The following SH3RF2 variants were observed in gnomAD, a reference collection of about 807,000 sequenced individuals.
SH3RF2 encodes SH3 domain containing ring finger 2.
SH3RF2 carries 43 observed loss-of-function variants against 59.0 expected under a neutral mutation model. The observed-to-expected ratio is 0.73, with a 90% CI of 0.57 to 0.94. The LOEUF (loss-of-function observed/expected upper bound fraction) is 0.94. SH3RF2 is among the 40% of genes least tolerant of loss of function. The pLI, the probability that SH3RF2 is intolerant of heterozygous loss-of-function variation, is 0.00. For synonymous variants in SH3RF2, 391 were observed against 391.5 expected (o/e 1.00, Z 0.01); for missense variants, 930 against 940.1 (o/e 0.99, Z 0.14).
chr5:146,040,586 G>A (rs1479716987), intron 5 of SH3RF2, among the ~76,000 whole-genome samples: 2 of 152,180 alleles, frequency 1.3e-5, no homozygotes, highest in African/African-American at 2.4e-5. Flanking sequence ...TGTAAATTCA[G>A]TAGTCTTCAC....
chr5:146,005,871 A>AT (rs34750869), intron 4 of SH3RF2, among the ~76,000 whole-genome samples: 1 of 151,068 alleles, frequency 6.6e-6, no homozygotes, highest in East Asian at 1.9e-4. Flanking sequence ...AAAAAAAAAA[A>AT]GCTTAGCAAG....
rs187268321 is a variant in SH3RF2, at chr5:146,070,917, G to A, written c.*34-7543G>A. ...AAGGCAAAAGACATCTGCAGAGGCT[G>A]TTTTGTGCACTATGTGCATTTTGTG... On this transcript the variant is annotated intron_variant, in intron 9 of 9. Coordinates refer to the SH3RF2 transcript ENST00000511217. Among the ~76,000 whole-genome samples, 122 of 152,312 alleles carry A rather than the reference G, an allele frequency of 8.0e-4. 1 individual carries two copies. The highest frequency in any genetic ancestry group is 2.9e-3 in the African/African-American group (119 of 41,562).
chr5:145,966,086 G>A (rs190513450), intron 2 of SH3RF2, among the ~76,000 whole-genome samples: 59 of 152,268 alleles, frequency 3.9e-4, no homozygotes, highest in Admixed American at 7.2e-4. Flanking sequence ...AAGGAGACAC[G>A]GGGGAGGCGT....
intron 4 of SH3RF2, among the ~76,000 whole-genome samples, chr5:146,006,032 T>C (rs1276535150): frequency 1.3e-5 from 2 of 152,164 alleles, no homozygotes; most frequent in Non-Finnish European, 2.9e-5. Context: ...CCAGGACCTG[T>C]GCCTAGTTCT....
At chr5:145,996,096 G>A (rs1053515127) in intron 2 of SH3RF2, among the ~76,000 whole-genome samples, 1 of 152,204 alleles carries the variant, frequency 6.6e-6, no homozygotes, top group African/African-American at 2.4e-5. Flanking sequence ...CTGGGGACCA[G>A]CAGAAAAGGA....
At chr5:146,038,935 C>T (rs11740901) in intron 5 of SH3RF2, among the ~76,000 whole-genome samples, 4,120 of 152,286 alleles carry the variant, frequency 0.027, 90 homozygotes, top group Non-Finnish European at 0.04. Context: ...TATTTCAAAG[C>T]TAATTAAGAT....
intron 2 of SH3RF2, among the ~76,000 whole-genome samples, chr5:145,958,975 A>T (rs1216820517): frequency 6.6e-6 from 1 of 152,204 alleles, no homozygotes. Flanking sequence ...ATGGTCTCAC[A>T]GTTTATGGCC....
intron 5 of SH3RF2, among the ~76,000 whole-genome samples, chr5:146,040,106 C>G (rs1463692094): frequency 6.6e-6 from 1 of 152,186 alleles, no homozygotes; most frequent in Non-Finnish European, 1.5e-5. Flanking sequence ...ACACAAACTT[C>G]AGCATTGTAG....
intron 5 of SH3RF2, among the ~76,000 whole-genome samples, chr5:146,019,965 T>G (rs1761249493): frequency 1.3e-5 from 2 of 152,232 alleles, no homozygotes; most frequent in South Asian, 4.1e-4. Flanking sequence ...TTTTGTGACC[T>G]GAGACTACTG....
exon 10 of SH3RF2, chr5:146,080,233 A>T (rs868636031): frequency 6.6e-6 from 1 of 152,106 alleles, no homozygotes. Flanking sequence ...TCTCCCGGAA[A>T]TATTGTTTCT....
intron 2 of SH3RF2, among the ~76,000 whole-genome samples, chr5:145,980,881 C>A (rs1036215231): frequency 6.6e-6 from 1 of 152,110 alleles, no homozygotes; most frequent in Non-Finnish European, 1.5e-5. Context: ...TAAGGTCAAT[C>A]TTATTGCATC....
intron 2 of SH3RF2, among the ~76,000 whole-genome samples, chr5:145,966,616 A>C (rs1192640411): frequency 1.3e-5 from 2 of 152,240 alleles, no homozygotes; most frequent in East Asian, 3.8e-4. Context: ...ACTGCACCAA[A>C]TGCTGTGGGG....
At chr5:146,017,686 T>C (rs1580866730) in intron 5 of SH3RF2, among the ~76,000 whole-genome samples, 1 of 152,162 alleles carries the variant, frequency 6.6e-6, no homozygotes, top group African/African-American at 2.4e-5. Flanking sequence ...AGTAAGCTCA[T>C]TGTGCCACCT....
intron 5 of SH3RF2, among the ~76,000 whole-genome samples, chr5:146,027,995 C>G (rs1036979408): frequency 6.6e-6 from 1 of 152,196 alleles, no homozygotes; most frequent in African/African-American, 2.4e-5. Flanking sequence ...AACTTTACAT[C>G]ATCGTTTTGC....
rs530016217 is a variant in SH3RF2, at chr5:146,047,676, G to C, written c.1060-96G>C. On this transcript the variant is annotated intron_variant, in intron 5 of 9. Transcript: ENST00000359120. Reference sequence around the variant, plus strand: ...CACCAGGCATGGCTGTTGGTTTTCAGCTGTGTCAGGTCTTTCTACGTAGCT... The same window carrying C: ...CACCAGGCATGGCTGTTGGTTTTCACCTGTGTCAGGTCTTTCTACGTAGCT... 5.0e-5 allele frequency: 58 copies of C among 1,154,624 alleles called. No homozygotes were observed. In the African/African-American group the frequency reaches 7.2e-4, roughly 14 times the overall value. The allele number at this position is 1,154,624 out of a possible 1,614,324, so 71.5% of individuals were successfully genotyped here.
In SH3RF2 at chr5:145,940,274, C is replaced by T. The variant is rs76930547; in HGVS notation, c.378+1968C>T. ...CAAGAGAGCAGAGCTGGCACCCCCA[C>T]TTCCCAATTCCTTTATGTCCTAACT... On this transcript the variant is annotated intron_variant, in intron 2 of 9. Transcript: ENST00000359120. 1.5e-3 allele frequency among the ~76,000 whole-genome samples: 223 copies of T among 152,330 alleles called. 1 individual carries two copies. Among genetic ancestry groups the T allele is most frequent in the African/African-American group, 5.2e-3 (216 of 41,574 alleles).
chr5:146,059,049 T>A (rs1179075734), intron 8 of SH3RF2, among the ~76,000 whole-genome samples: 1 of 152,144 alleles, frequency 6.6e-6, no homozygotes, highest in Non-Finnish European at 1.5e-5. Flanking sequence ...CCAAATAGAA[T>A]GCAATCCTCA....
rs143692827 is a variant in SH3RF2 at position 146,046,013 on chromosome 5, G to C, written c.1060-1759G>C. On this transcript the variant is annotated intron_variant, in intron 5 of 9. Transcript: ENST00000359120. ...TATTATTTGACTAAAGTGGTTTTTT[G>C]ATCCTACAACTTGATCTTTGGACTG... Among the ~76,000 whole-genome samples, 1,025 of 152,106 alleles carry C rather than the reference G, an allele frequency of 6.7e-3. 14 individuals carry two copies. The highest frequency in any genetic ancestry group is 0.024 in the African/African-American group (1,000 of 41,504).
At chr5:145,984,130 A>G (rs1759610602) in intron 2 of SH3RF2, among the ~76,000 whole-genome samples, 1 of 152,152 alleles carries the variant, frequency 6.6e-6, no homozygotes, top group Non-Finnish European at 1.5e-5. Flanking sequence ...TATAAGTCCC[A>G]TAAAGGCAGG....
Sources: gnomAD v4.1 joint callset for allele counts (sites outside exome capture counted in the v4.1 genomes callset) on GRCh38, gnomAD v4.1.1 for gene constraint, MANE v1.5 for transcripts, NCBI Gene and HGNC (gene_info 2026-07-23, HGNC 2026-07-21) for gene names.